DNAH7: variants seen among roughly 807,000 people sequenced by gnomAD.
The protein encoded by DNAH7 is axonemal beta dynein heavy chain 7.
Under a neutral mutation model 444.6 loss-of-function variants are expected in DNAH7, and 397 were observed. The ratio of observed to expected loss-of-function variants is 0.89; its 90% CI spans 0.82 to 0.97. The LOEUF (loss-of-function observed/expected upper bound fraction) is 0.97. Ranked by LOEUF, DNAH7 falls within the 50% of genes least tolerant of loss-of-function variation. DNAH7 has a pLI of 0.00. For synonymous variants in DNAH7, 1,636 were observed against 1,624.4 expected (o/e 1.01, Z -0.17); for missense variants, 4,902 against 4,800.8 (o/e 1.02, Z -0.62).
At chr2:195,976,766 A>AGAGAGAGAGAGAGAGAGG (rs1692228797) in intron 15 of DNAH7, among the ~76,000 whole-genome samples, 7 of 150,842 alleles carry the variant, frequency 4.6e-5, no homozygotes, top group Admixed American at 4.0e-4. Context: ...AGAGAGAGAG[A>AGAGAGAGAGAGAGAGAGG]GAGAGAGAGA....
intron 12 of DNAH7, among the ~76,000 whole-genome samples, chr2:195,990,551 A>G (rs879727700): frequency 6.6e-6 from 1 of 151,974 alleles, no homozygotes; most frequent in Non-Finnish European, 1.5e-5. Context: ...CAGCTACTCC[A>G]AGGGCACTGA....
intron 47 of DNAH7, among the ~76,000 whole-genome samples, chr2:195,837,713 G>A (rs1490006850): frequency 6.6e-6 from 1 of 151,948 alleles, no homozygotes; most frequent in East Asian, 1.9e-4. Context: ...CCCACTCACA[G>A]AACTGTATTA....
chr2:195,888,649 C>G, intron 32 of DNAH7, 150 bp downstream of exon 32: 1 of 939,490 alleles, frequency 1.1e-6, no homozygotes, highest in South Asian at 1.9e-5. Context: ...CAAGATATGT[C>G]AACAGATAAC....
intron 47 of DNAH7, among the ~76,000 whole-genome samples, chr2:195,841,791 A>ATTT (rs1698703057): frequency 6.6e-6 from 1 of 151,938 alleles, no homozygotes; most frequent in African/African-American, 2.4e-5. Context: ...CCCAAATGGA[A>ATTT]ATTGAATTTT....
intron 19 of DNAH7, among the ~76,000 whole-genome samples, chr2:195,944,829 T>C (rs1460146842): frequency 1.3e-5 from 2 of 152,058 alleles, no homozygotes. Flanking sequence ...AACTGCAAAT[T>C]ATACCATGTC....
Position 195,796,762 on chromosome 2 carries a change from T to C in DNAH7, c.10354-25A>G, listed in dbSNP as rs781764115. 9 of 1,576,800 alleles carry C rather than the reference T, an allele frequency of 5.7e-6. No homozygotes were observed. The African/African-American group carries it at 6.8e-5, about 12-fold the overall frequency. On this transcript the variant is annotated intron_variant, in intron 55 of 64. Coordinates refer to ENST00000312428, the MANE Select transcript of DNAH7 (RefSeq NM_018897.3). ...CCTGTGTACAAGAATAGTAGAGATGTTATTTAAAATCACATTTTAAGAAAC... is the reference window on the plus strand; with the variant it reads ...CCTGTGTACAAGAATAGTAGAGATGCTATTTAAAATCACATTTTAAGAAAC...
At chr2:195,965,131 A>T (rs1337599896) in intron 17 of DNAH7, among the ~76,000 whole-genome samples, 2 of 151,976 alleles carry the variant, frequency 1.3e-5, no homozygotes, top group African/African-American at 4.8e-5. Flanking sequence ...TATTATGTTG[A>T]GGTATGTTCC....
chr2:195,920,616 C>A (rs1026840996), intron 24 of DNAH7, among the ~76,000 whole-genome samples: 31 of 152,220 alleles, frequency 2.0e-4, no homozygotes, highest in Admixed American at 1.2e-3. Flanking sequence ...CATAAAAATT[C>A]TATAAGCTAA....
At chr2:195,943,095 T>G (rs750801899) in intron 19 of DNAH7, among the ~76,000 whole-genome samples, 1 of 152,130 alleles carries the variant, frequency 6.6e-6, no homozygotes, top group East Asian at 1.9e-4. Flanking sequence ...CTTGCCACCA[T>G]GTAAGATGTG....
intron 63 of DNAH7, among the ~76,000 whole-genome samples, chr2:195,744,072 CG>C (rs1172425110): frequency 6.6e-6 from 1 of 152,204 alleles, no homozygotes; most frequent in African/African-American, 2.4e-5. Context: ...TTGCCTCACT[CG>C]GGAAGCGCAA....
intron 21 of DNAH7, among the ~76,000 whole-genome samples, chr2:195,931,447 T>C (rs1034162909): frequency 2.6e-5 from 4 of 152,038 alleles, no homozygotes; most frequent in African/African-American, 7.3e-5. Flanking sequence ...TTTGTCAATT[T>C]TGGCTTTTGT....
intron 36 of DNAH7, among the ~76,000 whole-genome samples, chr2:195,878,301 T>C (rs1701172971): frequency 6.6e-6 from 1 of 152,182 alleles, no homozygotes; most frequent in Non-Finnish European, 1.5e-5. Context: ...ATGCATGAAC[T>C]AAATGAAACA....
intron 15 of DNAH7, among the ~76,000 whole-genome samples, chr2:195,980,669 T>G (rs114806917): frequency 6.6e-6 from 1 of 152,184 alleles, no homozygotes; most frequent in African/African-American, 2.4e-5. Flanking sequence ...CATGACTAGG[T>G]GGGATTTATC....
chr2:195,774,849 C>T (rs936435792), intron 60 of DNAH7, among the ~76,000 whole-genome samples: 3 of 152,190 alleles, frequency 2.0e-5, no homozygotes, highest in Admixed American at 6.5e-5. Flanking sequence ...AGATCAGTTA[C>T]AATTCAGTTA....
rs762880664 is a variant in DNAH7 at position 195,738,130 on chromosome 2, G to A, written c.11869-3C>T. ...CTCTTACAGGGCTTTAGCCACATCTGGAAGAAAGTACATAACACCTCTTTA... is the reference window on the plus strand; with the variant it reads ...CTCTTACAGGGCTTTAGCCACATCTAGAAGAAAGTACATAACACCTCTTTA... On this transcript the variant is annotated splice_region_variant and splice_polypyrimidine_tract_variant and intron_variant, in intron 64 of 64. Transcript: ENST00000312428. 10 of 1,612,986 alleles carry A rather than the reference G, an allele frequency of 6.2e-6. No homozygotes were observed. In the Admixed American group the frequency reaches 1.5e-4, roughly 24 times the overall value.
At position 195,819,170 on chromosome 2, in the gene DNAH7, C is replaced by T. The variant is rs1697353178; in HGVS notation, c.9292-1341G>A. ...CAGTGTGCAGATCAAGTGTCAGCTC[C>T]TCTTGGACACTTTCCCATACAATGT... is the stretch of plus-strand genomic sequence containing the variant. On this transcript the variant is annotated intron_variant, in intron 49 of 64. Coordinates refer to ENST00000312428, the MANE Select transcript of DNAH7 (RefSeq NM_018897.3). Among the ~76,000 whole-genome samples the T allele has an allele frequency of 1.3e-5, 2 of 151,958 alleles. 1 individual carries two copies. Among genetic ancestry groups the T allele is most frequent in the Admixed American group, 1.3e-4 (2 of 15,246 alleles).
At chr2:195,796,535 C>T (rs1355463150) in intron 56 of DNAH7, 41 bp downstream of exon 56, 1 of 1,603,656 alleles carries the variant, frequency 6.2e-7, no homozygotes, top group South Asian at 1.1e-5. Flanking sequence ...CTAATTAGAT[C>T]CAGGGAATGC....
At chr2:195,863,982 T>G (rs1259789205) in intron 41 of DNAH7, among the ~76,000 whole-genome samples, 167 bp downstream of exon 41, 1 of 152,232 alleles carries the variant, frequency 6.6e-6, no homozygotes, top group Non-Finnish European at 1.5e-5. Flanking sequence ...TAAATACTTT[T>G]CTATTATAAT....
intron 12 of DNAH7, among the ~76,000 whole-genome samples, chr2:195,992,244 C>T (rs991427727): frequency 2.0e-5 from 3 of 152,202 alleles, no homozygotes; most frequent in Admixed American, 1.3e-4. Flanking sequence ...ACACAAAGCT[C>T]CCTCTCCCTC....
Sources: gnomAD v4.1 joint callset for allele counts (sites outside exome capture counted in the v4.1 genomes callset) on GRCh38, gnomAD v4.1.1 for gene constraint, MANE v1.5 for transcripts, NCBI Gene and HGNC (gene_info 2026-07-23, HGNC 2026-07-21) for gene names.